The following FRK variants were observed in gnomAD, a reference collection of about 807,000 sequenced individuals.
The protein encoded by FRK is tyrosine-protein kinase FRK.
Under a neutral mutation model 56.4 loss-of-function variants are expected in FRK, and 51 were observed. The observed-to-expected ratio is 0.90, with a 90% CI of 0.72 to 1.14. The LOEUF is 1.14. Among genes scored for constraint, FRK ranks in the 50% most tolerant of loss-of-function variants. The pLI, the probability that FRK is intolerant of heterozygous loss-of-function variation, is 0.00. For synonymous variants in FRK, 245 were observed against 217.9 expected, an observed-to-expected ratio of 1.12 and a Z score of -1.10; for missense variants, 570 against 601.4, an observed-to-expected ratio of 0.95 and a Z score of 0.55.
chr6:116,017,394 A>C (rs1302081618), intron 1 of FRK, among the ~76,000 whole-genome samples: 1 of 152,172 alleles, frequency 6.6e-6, no homozygotes. Context: ...CCGAGCTGTA[A>C]CCAATCCAGC....
In FRK at chr6:116,026,950, T is replaced by C. The variant is rs578223899; in HGVS notation, c.345-22952A>G. ...GGAAGAGATGATAAGGAATTTATAA[T>C]AAATCTCTGAAGTATTGGCTATTGC... is the stretch of plus-strand genomic sequence containing the variant. On this transcript the variant is annotated intron_variant, in intron 1 of 7. Coordinates refer to ENST00000606080, the MANE Select transcript of FRK (RefSeq NM_002031.3). Among the ~76,000 whole-genome samples, 14 of 152,256 alleles carry C rather than the reference T, an allele frequency of 9.2e-5. 2 individuals carry two copies. The highest frequency in any genetic ancestry group is 7.9e-4 in the Admixed American group (12 of 15,266).
chr6:116,048,071 T>G (rs1044227512), intron 1 of FRK, among the ~76,000 whole-genome samples: 2 of 152,252 alleles, frequency 1.3e-5, no homozygotes, highest in African/African-American at 4.8e-5. Flanking sequence ...CTCTCATTGT[T>G]TGATTCTTAG....
At chr6:115,960,247 C>A (rs1418216574) in intron 4 of FRK, among the ~76,000 whole-genome samples, 2 of 151,008 alleles carry the variant, frequency 1.3e-5, no homozygotes, top group Non-Finnish European at 3.0e-5. Context: ...CGCAAGGGGT[C>A]AGGGAGTTCC....
chr6:115,948,668 T>C lies in FRK; in HGVS notation c.959-4243A>G, dbSNP rs189955761. On this transcript the variant is annotated intron_variant, in intron 5 of 7. Coordinates refer to ENST00000606080, the MANE Select transcript of FRK (RefSeq NM_002031.3). Reference sequence around the variant, plus strand: ...TTAAATCTATATCTCTTGCTGCATATTCTCCCCTGAGTTCCAGACCCATAG... The same window carrying C: ...TTAAATCTATATCTCTTGCTGCATACTCTCCCCTGAGTTCCAGACCCATAG... Among the ~76,000 whole-genome samples the C allele has an allele frequency of 2.1e-3, 318 of 152,332 alleles. 3 individuals are homozygous for C. Among genetic ancestry groups the C allele is most frequent in the Middle Eastern group, 0.01 (3 of 294 alleles).
Position 116,048,686 on chromosome 6 carries a change from C to T in FRK, c.344+11282G>A, listed in dbSNP as rs73562564. ...CAGGCATGAGCCACCATGCTGAGCCCCCAAATTACATATTTTTTGTGTCAG... is the reference window on the plus strand; with the variant it reads ...CAGGCATGAGCCACCATGCTGAGCCTCCAAATTACATATTTTTTGTGTCAG... On this transcript the variant is annotated intron_variant, in intron 1 of 7. Coordinates refer to ENST00000606080, the MANE Select transcript of FRK (RefSeq NM_002031.3). Among the ~76,000 whole-genome samples the T allele has an allele frequency of 4.3e-3, 657 of 152,220 alleles. 5 individuals carry two copies. Among genetic ancestry groups the T allele is most frequent in the African/African-American group, 0.015 (618 of 41,546 alleles).
At chr6:116,067,318 T>C in the FRK span, among the ~76,000 whole-genome samples, 147 of 152,338 alleles carry the variant, frequency 9.6e-4, no homozygotes, top group Middle Eastern at 3.4e-3. Flanking sequence ...ACTCAGTCTT[T>C]GGTACTTTAT....
At chr6:115,958,404 A>C (rs1052466438) in intron 4 of FRK, among the ~76,000 whole-genome samples, 2 of 152,222 alleles carry the variant, frequency 1.3e-5, no homozygotes, top group African/African-American at 4.8e-5. Flanking sequence ...AGGCAGGCGG[A>C]TAACTTGAGG....
At chr6:116,081,660 A>AATATAT in the FRK span, among the ~76,000 whole-genome samples, 1 of 148,852 alleles carries the variant, frequency 6.7e-6, no homozygotes, top group African/African-American at 2.5e-5. Context: ...TCCATATAAA[A>AATATAT]ATATATATAT....
the FRK span, among the ~76,000 whole-genome samples, chr6:116,094,414 G>A: frequency 2.5e-3 from 386 of 152,336 alleles, 10 homozygotes; most frequent in South Asian, 0.044. Flanking sequence ...CTGCCTCAAG[G>A]TCCATTACCA....
At chr6:116,085,212 G>T in the FRK span, among the ~76,000 whole-genome samples, 27,128 of 152,094 alleles carry the variant, frequency 0.18, 2,899 homozygotes, top group African/African-American at 0.29. Context: ...AAATTTTAAA[G>T]AAATGGGAAG....
intron 4 of FRK, among the ~76,000 whole-genome samples, chr6:115,957,015 G>A (rs757510504): frequency 6.6e-6 from 1 of 152,292 alleles, no homozygotes; most frequent in African/African-American, 2.4e-5. Flanking sequence ...CCTGTCCTTG[G>A]TGCCCACTGT....
In FRK at chr6:115,990,562, T is replaced by A. The variant is rs184538638; in HGVS notation, c.466+13315A>T. Among the ~76,000 whole-genome samples, 11 of 152,064 alleles carry A rather than the reference T, an allele frequency of 7.2e-5. No individual in the cohort carries two copies. The East Asian group carries it at 1.9e-3, about 27-fold the overall frequency. On this transcript the variant is annotated intron_variant, in intron 2 of 7. Coordinates refer to ENST00000606080, the MANE Select transcript of FRK (RefSeq NM_002031.3). ...CGTTATTGTTGAATTTGTCAACTTTTGTTGAAGATCAGTTGGTTTTGGCTA... is the reference window on the plus strand; with the variant it reads ...CGTTATTGTTGAATTTGTCAACTTTAGTTGAAGATCAGTTGGTTTTGGCTA...
the FRK span, among the ~76,000 whole-genome samples, chr6:116,083,516 T>C: frequency 6.6e-6 from 1 of 152,164 alleles, no homozygotes; most frequent in Non-Finnish European, 1.5e-5. Flanking sequence ...AGTGAAGGGT[T>C]AGCTTTACCT....
At chr6:116,030,900 A>G (rs941499697) in intron 1 of FRK, among the ~76,000 whole-genome samples, 2 of 152,138 alleles carry the variant, frequency 1.3e-5, no homozygotes, top group African/African-American at 4.8e-5. Context: ...TCTGCAGTAG[A>G]GGACACTCCT....
chr6:116,036,444 T>C (rs1181689349), intron 1 of FRK, among the ~76,000 whole-genome samples: 1 of 152,182 alleles, frequency 6.6e-6, no homozygotes, highest in Non-Finnish European at 1.5e-5. Flanking sequence ...AAATATAATG[T>C]TACATTGATA....
intron 2 of FRK, among the ~76,000 whole-genome samples, chr6:115,975,569 C>T (rs193106360): frequency 3.9e-5 from 6 of 152,202 alleles, no homozygotes; most frequent in Admixed American, 2.6e-4. Flanking sequence ...CCTTTCCTGG[C>T]TTGTGATCTT....
intron 2 of FRK, among the ~76,000 whole-genome samples, chr6:115,999,468 C>T (rs967254137): frequency 6.6e-5 from 10 of 152,146 alleles, no homozygotes; most frequent in African/African-American, 2.4e-5. Context: ...AGCACCCACC[C>T]AACCTTGGGC....
At position 115,968,695 on chromosome 6, in the gene FRK, C is replaced by A. The variant is rs767905144; in HGVS notation, c.511G>T (p.Asp171Tyr). ...VVKHYRIKRL[D>Y]EGGFFLTRRR... ...CGCGTGAGAAAAAATCCCCCTTCAT[C>A]CAGTCTTTTAATTCTGTAGTGTTTT... Residue 171 changes from aspartate (D) to tyrosine (Y), a missense_variant, in exon 3 of 8, where the codon GAT becomes TAT. Asp to Tyr is a radical substitution (Grantham distance 160, BLOSUM62 -3). Coordinates refer to ENST00000606080, the MANE Select transcript of FRK (RefSeq NM_002031.3). 10 of 1,613,840 alleles carry A rather than the reference C, an allele frequency of 6.2e-6. No homozygotes were observed. In the East Asian group the frequency reaches 2.2e-4, roughly 36 times the overall value.
intron 2 of FRK, among the ~76,000 whole-genome samples, chr6:115,981,787 A>T (rs1774210742): frequency 6.6e-6 from 1 of 152,134 alleles, no homozygotes; most frequent in Non-Finnish European, 1.5e-5. Flanking sequence ...ATTTATTTTC[A>T]TAGCAGATTA....
Sources: allele counts gnomAD v4.1 joint callset (sites outside exome capture counted in the v4.1 genomes callset), GRCh38; gene constraint gnomAD v4.1.1; transcripts MANE v1.5; gene names NCBI Gene and HGNC (gene_info 2026-07-23, HGNC 2026-07-21).